The following SHISAL1 variants were observed in gnomAD, a reference collection of about 807,000 sequenced individuals.
SHISAL1 encodes protein shisa-like-1.
SHISAL1 carries 9 observed loss-of-function variants against 22.6 expected under a neutral mutation model. The ratio of observed to expected loss-of-function variants is 0.40; its 90% CI spans 0.24 to 0.70. The LOEUF (loss-of-function observed/expected upper bound fraction) is 0.70. Ranked by LOEUF, SHISAL1 falls within the 30% of genes least tolerant of loss-of-function variation. The pLI, the probability that SHISAL1 is intolerant of heterozygous loss-of-function variation, is 0.39. For missense variants in SHISAL1, 246 were observed against 270.6 expected (o/e 0.91, Z 0.64); for synonymous variants, 119 against 115.4 (o/e 1.03, Z -0.20).
chr22:44,289,494 GTT>G (rs1491547355), intron 3 of SHISAL1, among the ~76,000 whole-genome samples: 4 of 149,366 alleles, frequency 2.7e-5, no homozygotes, highest in Admixed American at 2.0e-4. Flanking sequence ...GTGTGTGTGT[GTT>G]TACTGCCGGG....
At chr22:44,318,335 A>G in the SHISAL1 span, among the ~76,000 whole-genome samples, 2 of 152,262 alleles carry the variant, frequency 1.3e-5, no homozygotes, top group African/African-American at 4.8e-5. Context: ...TTGGCTCACA[A>G]ATTTCTGGGG....
At chr22:44,327,596 A>G in the SHISAL1 span, among the ~76,000 whole-genome samples, 1 of 152,102 alleles carries the variant, frequency 6.6e-6, no homozygotes, top group East Asian at 1.9e-4. Context: ...GGTGGGTCTC[A>G]GTGACCTTGG....
the SHISAL1 span, among the ~76,000 whole-genome samples, chr22:44,319,030 AC>A: frequency 2.0e-5 from 3 of 152,226 alleles, no homozygotes; most frequent in African/African-American, 7.2e-5. Context: ...GTCCCGTTGT[AC>A]CATGGCTTCG....
rs927894860 is a variant in SHISAL1, at chr22:44,285,484, T to C, written c.543A>G (p.Thr181=). The change falls in exon 4 of 5, where the codon ACA becomes ACG. Residue 181 remains threonine (T), a synonymous_variant. Transcript: ENST00000381176. ...GTGGGCTGTGAGCATCTCCCCGCAA[T>C]GTGTGCACGGCCTGTGGGGCTTGTG... ...PLPQAPQAVH[T]LRGDAHSPPL... 10 of 1,613,878 alleles carry C rather than the reference T, an allele frequency of 6.2e-6. No individual in the cohort carries two copies. In the African/African-American group the frequency reaches 1.2e-4, roughly 19 times the overall value.
chr22:44,291,139 C>T (rs956161050), intron 3 of SHISAL1, among the ~76,000 whole-genome samples: 2 of 152,180 alleles, frequency 1.3e-5, no homozygotes, highest in Non-Finnish European at 2.9e-5. Flanking sequence ...AGAGACACGA[C>T]GTGTGTGGCT....
At chr22:44,267,497 A>G (rs2055172503) in intron 4 of SHISAL1, among the ~76,000 whole-genome samples, 1 of 150,676 alleles carries the variant, frequency 6.6e-6, no homozygotes, top group African/African-American at 2.5e-5. Context: ...GCCAAGCCAC[A>G]GACATGGCTG....
In SHISAL1 at chr22:44,248,230, CG is replaced by C. The variant is rs1191682609; in HGVS notation, c.*1454del. On this transcript the variant is annotated 3_prime_UTR_variant, in exon 5 of 5. Coordinates refer to ENST00000381176, the MANE Select transcript of SHISAL1 (RefSeq NM_001099294.2). ...AGCAGGGACCTGCCTTGCTCACTGT[CG>C]TGTCTGGTGAATGGATGGGTGGTCA... The C allele has an allele frequency of 6.7e-6, 1 of 149,086 alleles. No homozygotes were observed. The highest frequency in any genetic ancestry group is 2.6e-5 in the African/African-American group (1 of 38,518). The allele number at this position is 149,086 out of a possible 1,614,324, so 9.2% of individuals were successfully genotyped here. A position where few individuals can be genotyped will look rare whatever the true frequency, so the allele number is the denominator to read the frequency against.
the SHISAL1 span, among the ~76,000 whole-genome samples, chr22:44,320,808 C>T: frequency 2.6e-5 from 4 of 152,194 alleles, no homozygotes; most frequent in East Asian, 5.8e-4. Flanking sequence ...GGCAGCAGCT[C>T]GTCCCTAGAG....
rs551034445 is a variant in SHISAL1 at position 44,286,926 on chromosome 22, C to T, written c.282-1181G>A. Among the ~76,000 whole-genome samples, 12 of 152,354 alleles carry T rather than the reference C, an allele frequency of 7.9e-5. No individual in the cohort carries two copies. In the South Asian group the frequency reaches 1.0e-3, roughly 13 times the overall value. On this transcript the variant is annotated intron_variant, in intron 3 of 4. Coordinates refer to ENST00000381176, the MANE Select transcript of SHISAL1 (RefSeq NM_001099294.2). ...GCAGGCATGTGTTTGGGTGGGTGTG[C>T]GCTTCTGGTGTCGAGGAGGCGTGAA...
At chr22:44,311,907 C>T (rs1252186213) in intron 1 of SHISAL1, among the ~76,000 whole-genome samples, 1 of 152,216 alleles carries the variant, frequency 6.6e-6, no homozygotes, top group Non-Finnish European at 1.5e-5. Flanking sequence ...TAAAACAACC[C>T]CTGGAAATCC....
chr22:44,298,353 G>A (rs985077193), intron 2 of SHISAL1, among the ~76,000 whole-genome samples: 5 of 152,224 alleles, frequency 3.3e-5, no homozygotes, highest in Admixed American at 2.0e-4. Context: ...GGGCATCCCC[G>A]GAGGGCTTGT....
At chr22:44,251,930 G>A (rs2055050353) in intron 4 of SHISAL1, among the ~76,000 whole-genome samples, 1 of 149,050 alleles carries the variant, frequency 6.7e-6, no homozygotes, top group Non-Finnish European at 1.5e-5. Flanking sequence ...AATGGTAAAT[G>A]TTATGTTATG....
chr22:44,260,354 G>A (rs962956349), intron 4 of SHISAL1, among the ~76,000 whole-genome samples: 5 of 152,198 alleles, frequency 3.3e-5, no homozygotes, highest in East Asian at 1.9e-4. Context: ...TCGAACCTCC[G>A]TGCTGCACAG....
At chr22:44,297,749 C>T (rs960066312) in intron 2 of SHISAL1, among the ~76,000 whole-genome samples, 18 of 152,262 alleles carry the variant, frequency 1.2e-4, no homozygotes, top group Non-Finnish European at 8.8e-5. Context: ...AAACCTAAAG[C>T]CCGCTCTCTC....
chr22:44,301,681 CAACAAA>C (rs1416257191), intron 1 of SHISAL1, among the ~76,000 whole-genome samples: 1 of 152,072 alleles, frequency 6.6e-6, no homozygotes, highest in Non-Finnish European at 1.5e-5. Context: ...ATGGATGGAT[CAACAAA>C]AGGTGGCCCG....
chr22:44,328,182 G>A, the SHISAL1 span, among the ~76,000 whole-genome samples: 9 of 152,144 alleles, frequency 5.9e-5, no homozygotes, highest in Non-Finnish European at 1.2e-4. Context: ...GTGAGACTGC[G>A]GGGCCCCTGC....
chr22:44,262,464 G>A (rs530360868), intron 4 of SHISAL1, among the ~76,000 whole-genome samples: 14 of 152,290 alleles, frequency 9.2e-5, no homozygotes, highest in Admixed American at 5.2e-4. Context: ...CTTCTGTGCC[G>A]GGCACTGTGC....
intron 4 of SHISAL1, among the ~76,000 whole-genome samples, chr22:44,259,850 C>G (rs553955071): frequency 1.3e-5 from 2 of 152,286 alleles, no homozygotes; most frequent in East Asian, 3.9e-4. Flanking sequence ...GTGTGTTCAC[C>G]TCTTAGCTCT....
chr22:44,265,165 T>A (rs896231612), intron 4 of SHISAL1, among the ~76,000 whole-genome samples: 2 of 152,174 alleles, frequency 1.3e-5, no homozygotes, highest in African/African-American at 4.8e-5. Flanking sequence ...CTTCAGCTAC[T>A]CACACCCTCC....
Sources: gnomAD v4.1 joint callset for allele counts (sites outside exome capture counted in the v4.1 genomes callset) on GRCh38, gnomAD v4.1.1 for gene constraint, MANE v1.5 for transcripts, NCBI Gene and HGNC (gene_info 2026-07-23, HGNC 2026-07-21) for gene names.